NFASC: variants seen among roughly 807,000 people sequenced by gnomAD.
NFASC encodes the protein neurofascin homolog.
NFASC carries 43 observed loss-of-function variants against 147.5 expected under a neutral mutation model. That is an observed-to-expected ratio of 0.29 (90% CI 0.23 to 0.38). NFASC has a LOEUF of 0.38. Ranked by LOEUF, NFASC falls within the 10% of genes least tolerant of loss-of-function variation. The pLI, the probability that NFASC is intolerant of heterozygous loss-of-function variation, is 1.00. For synonymous variants in NFASC, 622 were observed against 665.5 expected (o/e 0.93, Z 1.01); for missense variants, 1,320 against 1,689.0 (o/e 0.78, Z 3.83).
chr1:204,851,326 C>CTTTTTTTTTTTTTTTTTTT, intron 1 of NFASC, among the ~76,000 whole-genome samples: 1 of 136,344 alleles, frequency 7.3e-6, no homozygotes. Context: ...TCATGCTTTT[C>CTTTTTTTTTTTTTTTTTTT]TTTTTTTTTT....
intron 1 of NFASC, among the ~76,000 whole-genome samples, chr1:204,894,674 T>C (rs1307468892): frequency 6.6e-6 from 1 of 152,194 alleles, no homozygotes; most frequent in Non-Finnish European, 1.5e-5. Context: ...CCTATTCCCC[T>C]TTTGATTTTT....
intron 11 of NFASC, 33 bp from the exon 12 acceptor site, chr1:204,973,243 C>T: frequency 6.2e-7 from 1 of 1,612,026 alleles, no homozygotes; most frequent in Non-Finnish European, 8.5e-7. Context: ...CCCTCCCCAT[C>T]TCTCATGAGG....
At position 204,987,707 on chromosome 1, in the gene NFASC, G is replaced by A. The variant is rs183598429; in HGVS notation, c.2593+167G>A. ...CCAATAGGATTAGGGGAGGCAGATGGGACTCAATCCCTGCTCTCCTTTCAT... is the reference window on the plus strand; with the variant it reads ...CCAATAGGATTAGGGGAGGCAGATGAGACTCAATCCCTGCTCTCCTTTCAT... On this transcript the variant is annotated intron_variant, in intron 22 of 29. Transcript: ENST00000339876. The surrounding 1 kb of genome is among the most constrained non-coding windows in gnomAD (Gnocchi z 4.4). Among the ~76,000 whole-genome samples the A allele has an allele frequency of 2.0e-5, 3 of 152,258 alleles. No homozygotes were observed. Among genetic ancestry groups the A allele is most frequent in the East Asian group, 1.9e-4 (1 of 5,178 alleles).
intron 8 of NFASC, 72 bp downstream of exon 8, chr1:204,957,898 A>C: frequency 6.9e-7 from 1 of 1,440,142 alleles, no homozygotes; most frequent in Non-Finnish European, 9.7e-7. Flanking sequence ...AGCCCTAGGT[A>C]CCTGAGTCTA....
At chr1:204,916,102 G>A (rs918892745) in intron 1 of NFASC, among the ~76,000 whole-genome samples, 4 of 152,142 alleles carry the variant, frequency 2.6e-5, no homozygotes, top group African/African-American at 9.7e-5. Context: ...TCTGCAGCGT[G>A]GCTGCTTCAT....
At chr1:204,877,027 T>TATATATATAA (rs1491338816) in intron 1 of NFASC, among the ~76,000 whole-genome samples, 1 of 85,122 alleles carries the variant, frequency 1.2e-5, no homozygotes, top group African/African-American at 6.8e-5. Flanking sequence ...TATATATATA[T>TATATATATAA]AATATATATT....
At chr1:204,844,318 A>G (rs1374752969) in intron 1 of NFASC, among the ~76,000 whole-genome samples, 1 of 152,192 alleles carries the variant, frequency 6.6e-6, no homozygotes, top group Non-Finnish European at 1.5e-5. Flanking sequence ...TAAAGTAGAA[A>G]TGCCCTATGA....
chr1:204,929,790 T>TCTTTCTCCA (rs1315590878), intron 2 of NFASC, among the ~76,000 whole-genome samples: 1 of 152,214 alleles, frequency 6.6e-6, no homozygotes, highest in Non-Finnish European at 1.5e-5. Flanking sequence ...CAGAGATCCC[T>TCTTTCTCCA]CTTTCTCCAC....
At chr1:204,921,315 G>T (rs913450903) in intron 2 of NFASC, among the ~76,000 whole-genome samples, 3 of 152,204 alleles carry the variant, frequency 2.0e-5, no homozygotes, top group Admixed American at 2.0e-4. Flanking sequence ...CCTGGTAGCC[G>T]GGGAGGACAT....
rs545220600 is a variant in NFASC at position 204,975,115 on chromosome 1, C to A, written c.1559-156C>A. 2.6e-5 allele frequency among the ~76,000 whole-genome samples: 4 copies of A among 152,362 alleles called. No homozygotes were observed. In the South Asian group the frequency reaches 6.2e-4, roughly 24 times the overall value. ...CATTATCTGCTTTGGGGATTACCCA[C>A]CCAGAACTCTGCTCCGTTCATACCA... On this transcript the variant is annotated intron_variant, in intron 14 of 29. Coordinates refer to ENST00000339876, the MANE Select transcript of NFASC (RefSeq NM_001005388.3). This position sits in a 1 kb window ranked among gnomAD's most constrained non-coding sequence, Gnocchi z 4.0.
Position 204,954,783 on chromosome 1 carries a change from C to G in NFASC, c.413-46C>G. 6.2e-7 allele frequency: 1 copy of G among 1,606,620 alleles called. No homozygotes were observed. The highest frequency in any genetic ancestry group is 8.5e-7 in the Non-Finnish European group (1 of 1,174,612). ...CTCTGACCCTGCTCCTTGCCCCGGG[C>G]CCAGCCATCACCCTCACTTTATCCT... is the stretch of plus-strand genomic sequence containing the variant. On this transcript the variant is annotated intron_variant, in intron 6 of 29. Transcript: ENST00000339876. The surrounding 1 kb of genome is among the most constrained non-coding windows in gnomAD (Gnocchi z 5.7).
chr1:204,831,128 A>T (rs1672113284), intron 1 of NFASC, among the ~76,000 whole-genome samples: 1 of 152,150 alleles, frequency 6.6e-6, no homozygotes, highest in Admixed American at 6.5e-5. Flanking sequence ...TAAGGTCCTG[A>T]TGTTGAAATG....
intron 11 of NFASC, 33 bp downstream of exon 11, chr1:204,970,780 C>G: frequency 6.2e-7 from 1 of 1,613,704 alleles, no homozygotes. Context: ...ATCTGACTCT[C>G]ATCTCTCTGC....
At chr1:204,985,857 A>G (rs2095605095) in intron 21 of NFASC, 1 of 1,262,292 alleles carries the variant, frequency 7.9e-7, no homozygotes, top group Non-Finnish European at 1.1e-6. Flanking sequence ...ACCACTAACA[A>G]CTAACCCAGC....
intron 2 of NFASC, among the ~76,000 whole-genome samples, chr1:204,927,877 T>C (rs570628224): frequency 6.6e-6 from 1 of 152,318 alleles, no homozygotes; most frequent in Non-Finnish European, 1.5e-5. Flanking sequence ...GTCTAATTGC[T>C]GTGAAAACTT....
rs779679398 is a variant in NFASC at position 204,973,340 on chromosome 1, C to A, written c.1200C>A (p.Ile400=). 1 of 1,614,254 alleles carries A rather than the reference C, an allele frequency of 6.2e-7. No individual in the cohort carries two copies. Among genetic ancestry groups the A allele is most frequent in the Non-Finnish European group, 8.5e-7 (1 of 1,180,040 alleles). Residue 400 remains isoleucine (I), a synonymous_variant, in exon 12 of 30, where the codon ATC becomes ATA. Coordinates refer to ENST00000339876, the MANE Select transcript of NFASC (RefSeq NM_001005388.3). ...GDTIIFRDTQ[I]SSRAVYQCNT... ...CCATCATCTTCCGGGACACCCAGAT[C>A]AGCAGCAGGGCTGTGTACCAGTGCA...
chr1:204,950,640 T>G, intron 4 of NFASC, 66 bp downstream of exon 4: 1 of 1,475,538 alleles, frequency 6.8e-7, no homozygotes, highest in Non-Finnish European at 9.4e-7. Flanking sequence ...CATGAGGTGA[T>G]ACCTGGGGAT....
chr1:204,969,456 G>A (rs2095130278), intron 10 of NFASC, among the ~76,000 whole-genome samples: 1 of 152,202 alleles, frequency 6.6e-6, no homozygotes, highest in Non-Finnish European at 1.5e-5. Context: ...GCCCACCCGA[G>A]TGATTGCAGG....
At chr1:204,854,014 C>T (rs2075929278) in intron 1 of NFASC, among the ~76,000 whole-genome samples, 1 of 152,184 alleles carries the variant, frequency 6.6e-6, no homozygotes, top group Non-Finnish European at 1.5e-5. Flanking sequence ...GTCTCACAAA[C>T]CTAGACATAG....
Sources: allele counts gnomAD v4.1 joint callset (sites outside exome capture counted in the v4.1 genomes callset), GRCh38; gene constraint gnomAD v4.1.1; non-coding constraint Gnocchi (gnomAD v3.1); transcripts MANE v1.5; gene names NCBI Gene and HGNC (gene_info 2026-07-23, HGNC 2026-07-21).